Variants in HSPA4 observed in about 807,000 individuals in gnomAD.
HSPA4 encodes heat shock protein family A (Hsp70) member 4, also known as heat shock 70 kDa protein 4.
HSPA4 carries 25 observed loss-of-function variants against 106.2 expected under a neutral mutation model. That is an observed-to-expected ratio of 0.24 (90% CI 0.17 to 0.33). The LOEUF is 0.33. Among genes scored for constraint, HSPA4 ranks in the 10% least tolerant of loss-of-function variants. The pLI, the probability that HSPA4 is intolerant of heterozygous loss-of-function variation, is 1.00. For synonymous variants in HSPA4, 332 were observed against 333.6 expected (o/e 1.00, Z 0.05); for missense variants, 841 against 996.0 (o/e 0.84, Z 2.10).
intron 17 of HSPA4, among the ~76,000 whole-genome samples, chr5:133,102,249 G>C (rs1225642944): frequency 6.6e-6 from 1 of 152,090 alleles, no homozygotes; most frequent in Non-Finnish European, 1.5e-5. Context: ...AACTTCTGAG[G>C]CATTTACATA....
At chr5:133,057,518 C>T (rs1404343886) in intron 1 of HSPA4, among the ~76,000 whole-genome samples, 6 of 152,186 alleles carry the variant, frequency 3.9e-5, no homozygotes, top group Non-Finnish European at 8.8e-5. Context: ...GCCACCGCGC[C>T]TAGCTATGCA....
At chr5:133,061,311 A>G (rs551992609) in intron 1 of HSPA4, among the ~76,000 whole-genome samples, 104 of 151,344 alleles carry the variant, frequency 6.9e-4, no homozygotes, top group African/African-American at 1.5e-3. Context: ...TTTAGTAGAG[A>G]TGGGGTTTCA....
Position 133,070,484 on chromosome 5 carries a change from C to G in HSPA4, c.417C>G (p.Asp139Glu). 6.2e-7 allele frequency: 1 copy of G among 1,613,778 alleles called. No homozygotes were observed. Among genetic ancestry groups the G allele is most frequent in the Non-Finnish European group, 8.5e-7 (1 of 1,179,834 alleles). ...AESVLKKPVV[D>E]CVVSVPCFYT... ...GTGTTCTTAAGAAGCCTGTAGTTGA[C>G]TGTGTTGTTTCGGTGAGTTTGATCC... Residue 139 changes from aspartate to glutamate, a missense_variant, in exon 4 of 19, where the codon GAC becomes GAG. Physicochemically the swap from Asp to Glu is conservative, Grantham distance 45 (BLOSUM62 2). This residue lies in a region of HSPA4 where 347 missense variants were observed against 408.7 expected (regional missense o/e 0.85). Coordinates refer to ENST00000304858, the MANE Select transcript of HSPA4 (RefSeq NM_002154.4).
intron 16 of HSPA4, among the ~76,000 whole-genome samples, chr5:133,101,395 A>T (rs905184935): frequency 6.6e-6 from 1 of 152,182 alleles, no homozygotes; most frequent in South Asian, 2.1e-4. Flanking sequence ...TGATGGTTAC[A>T]TTTAGAGGCT....
intron 2 of HSPA4, among the ~76,000 whole-genome samples, chr5:133,066,933 C>T (rs1487094799): frequency 6.6e-6 from 1 of 151,966 alleles, no homozygotes; most frequent in Non-Finnish European, 1.5e-5. Context: ...TCAGGCTGGT[C>T]TCGAGCTCCT....
intron 17 of HSPA4, among the ~76,000 whole-genome samples, chr5:133,102,580 G>T (rs149716253): frequency 7.9e-5 from 12 of 152,010 alleles, no homozygotes; most frequent in Non-Finnish European, 1.5e-4. Context: ...CAACATTCAG[G>T]GTCACTAAAT....
chr5:133,063,509 C>T (rs1765270699), intron 1 of HSPA4, among the ~76,000 whole-genome samples: 1 of 152,066 alleles, frequency 6.6e-6, no homozygotes, highest in Non-Finnish European at 1.5e-5. Context: ...TGGCTCACTG[C>T]AACCTCCGTC....
Position 133,070,459 on chromosome 5 carries a change from GT to G in HSPA4, c.393del (p.Ser131ArgfsTer7). ...LLSKLKETAE[S>X]VLKKPVVDCV... ...TCCAAACTGAAGGAGACAGCCGAAAGTGTTCTTAAGAAGCCTGTAGTTGACT... is the reference window on the plus strand; with the variant it reads ...TCCAAACTGAAGGAGACAGCCGAAAGGTTCTTAAGAAGCCTGTAGTTGACT... On this transcript the variant is annotated frameshift_variant, in exon 4 of 19. Transcript: ENST00000304858. LOFTEE classifies it high-confidence loss of function. 1 of 1,613,878 alleles carries G rather than the reference GT, an allele frequency of 6.2e-7. No individual in the cohort carries two copies. Among genetic ancestry groups the G allele is most frequent in the Non-Finnish European group, 8.5e-7 (1 of 1,179,906 alleles).
At chr5:133,097,313 A>G in intron 15 of HSPA4, 27 bp downstream of exon 15, 1 of 1,601,188 alleles carries the variant, frequency 6.2e-7, no homozygotes, top group Non-Finnish European at 8.5e-7. Context: ...ATGCCTAACT[A>G]CTGTGTGTCT....
At chr5:133,070,263 T>G in intron 3 of HSPA4, 111 bp from the exon 4 acceptor site, 4 of 1,046,112 alleles carry the variant, frequency 3.8e-6, no homozygotes, top group East Asian at 2.8e-5. Context: ...CAATCCCCTC[T>G]TGAGATAATG....
At chr5:133,055,771 G>A (rs1419924222) in intron 1 of HSPA4, among the ~76,000 whole-genome samples, 5 of 151,998 alleles carry the variant, frequency 3.3e-5, no homozygotes. Flanking sequence ...TAGAATAAGC[G>A]GGTCTAATTT....
chr5:133,086,965 C>A, intron 8 of HSPA4, 107 bp downstream of exon 8: 1 of 814,606 alleles, frequency 1.2e-6, no homozygotes, highest in Non-Finnish European at 2.0e-6. Flanking sequence ...ATTGTATGAA[C>A]TAATTCAGTG....
At chr5:133,058,795 C>T (rs1427706687) in intron 1 of HSPA4, among the ~76,000 whole-genome samples, 2 of 151,692 alleles carry the variant, frequency 1.3e-5, no homozygotes, top group African/African-American at 2.4e-5. Flanking sequence ...GAGTTTGGGA[C>T]CAGCCTGGAC....
At position 133,070,368 on chromosome 5, in the gene HSPA4, T is replaced by C. The variant is rs1401665652; in HGVS notation, c.307-6T>C. Reference sequence around the variant, plus strand: ...AAGTCTAGGCCCCTTTGTTGTTTTCTTGCAGGTGACATATATGGAGGAAGA... The same window carrying C: ...AAGTCTAGGCCCCTTTGTTGTTTTCCTGCAGGTGACATATATGGAGGAAGA... On this transcript the variant is annotated splice_polypyrimidine_tract_variant and splice_region_variant and intron_variant, in intron 3 of 18. Transcript: ENST00000304858. 1 of 1,607,590 alleles carries C rather than the reference T, an allele frequency of 6.2e-7. No homozygotes were observed.
Position 133,088,532 on chromosome 5 carries a change from G to A in HSPA4, c.1114G>A (p.Val372Ile), listed in dbSNP as rs1765606889. ...TACAACATTAAATGCTGATGAAGCT[G>A]TCACTCGAGGCTGTGCATTGCAGGT... ...LSTTLNADEA[V>I]TRGCALQCAI... is the part of the protein sequence containing the mutation. Residue 372 changes from valine (V) to isoleucine (I), a missense_variant, in exon 9 of 19, where the codon GTC becomes ATC. Val to Ile is a conservative substitution (Grantham distance 29, BLOSUM62 3). Transcript: ENST00000304858. 1 of 1,613,792 alleles carries A rather than the reference G, an allele frequency of 6.2e-7. No homozygotes were observed. Among genetic ancestry groups the A allele is most frequent in the South Asian group, 1.1e-5 (1 of 91,080 alleles).
In HSPA4 at chr5:133,084,122, G is replaced by A. The variant is rs10060131; in HGVS notation, c.909-2660G>A. 4.9e-3 allele frequency among the ~76,000 whole-genome samples: 746 copies of A among 152,254 alleles called. 6 individuals are homozygous for A. Among genetic ancestry groups the A allele is most frequent in the African/African-American group, 0.017 (726 of 41,548 alleles). ...TCCTCAGGCTTCCATAACCACTGATGTGCTTTTTGTATTTTTCAGTCCCTA... is the reference window on the plus strand; with the variant it reads ...TCCTCAGGCTTCCATAACCACTGATATGCTTTTTGTATTTTTCAGTCCCTA... On this transcript the variant is annotated intron_variant, in intron 7 of 18. Transcript: ENST00000304858.
intron 7 of HSPA4, among the ~76,000 whole-genome samples, chr5:133,080,697 C>CT (rs1384016134): frequency 1.3e-5 from 2 of 150,544 alleles, no homozygotes; most frequent in Admixed American, 1.3e-4. Context: ...TTTAGTTTGC[C>CT]TTTTTTTTGT....
chr5:133,076,048 G>A (rs1581471662), intron 6 of HSPA4: 2 of 152,080 alleles, frequency 1.3e-5, no homozygotes, highest in African/African-American at 4.8e-5. Flanking sequence ...CCTTCATAAG[G>A]ATGTCATCAC....
At chr5:133,077,263 G>A (rs1581472157) in intron 7 of HSPA4, among the ~76,000 whole-genome samples, 2 of 151,978 alleles carry the variant, frequency 1.3e-5, no homozygotes, top group South Asian at 2.1e-4. Context: ...TTGAGATGGA[G>A]GTTTTTGCTG....
Sources: allele counts gnomAD v4.1 joint callset (sites outside exome capture counted in the v4.1 genomes callset), GRCh38; gene constraint gnomAD v4.1.1; regional missense constraint gnomAD v4.1.1; transcripts MANE v1.5; gene names NCBI Gene and HGNC (gene_info 2026-07-23, HGNC 2026-07-21).